Variants in GRHL1 observed in about 807,000 individuals in gnomAD.
GRHL1 encodes grainyhead like transcription factor 1, also known as grainyhead-like protein 1 homolog.
GRHL1 carries 38 observed loss-of-function variants against 75.7 expected under a neutral mutation model. That is an observed-to-expected ratio of 0.50 (90% CI 0.39 to 0.66). The LOEUF is 0.66. Among genes scored for constraint, GRHL1 ranks in the 30% least tolerant of loss-of-function variants. The pLI is 0.00. For synonymous variants in GRHL1, 266 were observed against 279.4 expected, an observed-to-expected ratio of 0.95 and a Z score of 0.48; for missense variants, 589 against 767.5, an observed-to-expected ratio of 0.77 and a Z score of 2.75.
chr2:9,965,633 T>G, intron 8 of GRHL1: 1 of 460,380 alleles, frequency 2.2e-6, no homozygotes, highest in Non-Finnish European at 3.9e-6. Context: ...CTGTTCAGCC[T>G]TGAGTCTGAC....
intron 8 of GRHL1, among the ~76,000 whole-genome samples, chr2:9,978,611 T>G (rs1242226970): frequency 1.3e-5 from 2 of 152,220 alleles, no homozygotes; most frequent in Non-Finnish European, 2.9e-5. Flanking sequence ...TCCCAAGCAC[T>G]GAGATGATGC....
At chr2:9,964,440 A>T in intron 7 of GRHL1, 94 bp downstream of exon 7, 2 of 685,408 alleles carry the variant, frequency 2.9e-6, no homozygotes. Flanking sequence ...CTTCCTGCCG[A>T]AAGCATTTGA....
chr2:9,963,869 C>CT lies in GRHL1; in HGVS notation c.747-10dup. On this transcript the variant is annotated splice_polypyrimidine_tract_variant and intron_variant, in intron 5 of 15. Transcript: ENST00000324907. ...CGAGAGTAGATTTAGAGACCTGTGA[C>CT]TTTTTTTGTCCTTTAGGAACAACTT... The CT allele has an allele frequency of 1.9e-6, 3 of 1,596,008 alleles. No homozygotes were observed. The highest frequency in any genetic ancestry group is 1.7e-4 in the Middle Eastern group (1 of 5,976).
intron 9 of GRHL1, among the ~76,000 whole-genome samples, chr2:9,988,896 C>T (rs769903218): frequency 1.4e-4 from 22 of 152,120 alleles, no homozygotes; most frequent in Non-Finnish European, 3.1e-4. Context: ...TATAGATACA[C>T]AGATAAATAA....
intron 10 of GRHL1, among the ~76,000 whole-genome samples, chr2:9,991,058 C>T (rs961906294): frequency 6.6e-6 from 1 of 152,204 alleles, no homozygotes; most frequent in Admixed American, 6.5e-5. Flanking sequence ...CTGCATGAAT[C>T]ACTGTTAAAA....
intron 8 of GRHL1, among the ~76,000 whole-genome samples, chr2:9,979,239 T>C (rs1387790403): frequency 2.0e-5 from 3 of 151,218 alleles, no homozygotes; most frequent in Non-Finnish European, 4.4e-5. Context: ...CAATCTTTTT[T>C]TTTTTTTTAC....
At chr2:9,981,013 G>A (rs1668174196) in intron 8 of GRHL1, among the ~76,000 whole-genome samples, 1 of 152,214 alleles carries the variant, frequency 6.6e-6, no homozygotes, top group African/African-American at 2.4e-5. Flanking sequence ...GCTCACTCGG[G>A]GCTGCCCATT....
intron 10 of GRHL1, among the ~76,000 whole-genome samples, chr2:9,991,093 A>ATAATAATTAT (rs1668623175): frequency 2.0e-5 from 3 of 152,220 alleles, no homozygotes; most frequent in African/African-American, 7.2e-5. Context: ...GATTTTTTAA[A>ATAATAATTAT]GTAATAATAA....
chr2:9,986,445 T>G (rs1459711576), intron 9 of GRHL1, among the ~76,000 whole-genome samples, 163 bp downstream of exon 9: 1 of 151,994 alleles, frequency 6.6e-6, no homozygotes, highest in Non-Finnish European at 1.5e-5. Context: ...TGAGACAGAG[T>G]CTCCCTCTGT....
rs1227015836 is a variant in GRHL1 at position 9,979,151 on chromosome 2, C to CAAAAAA, written c.1111-6962_1111-6957dup. Among the ~76,000 whole-genome samples the CAAAAAA allele has an allele frequency of 4.9e-3, 295 of 60,356 alleles. 9 individuals are homozygous for CAAAAAA. The highest frequency in any genetic ancestry group is 0.019 in the African/African-American group (272 of 14,140). 39.6% of individuals were successfully genotyped at this position (60,356 alleles called of 152,430 possible). A position where few individuals can be genotyped will look rare whatever the true frequency, so the allele number is the denominator to read the frequency against. ...TTCCAGCCTGGGCAAGACTCTCTCT[C>CAAAAAA]AAAAAAAAAAAAAAAAGGAAACCTT... On this transcript the variant is annotated intron_variant, in intron 8 of 15. Coordinates refer to ENST00000324907, the MANE Select transcript of GRHL1 (RefSeq NM_198182.3).
In GRHL1 at chr2:9,977,907, G is replaced by T. The variant is rs146452974; in HGVS notation, c.1111-8217G>T. Among the ~76,000 whole-genome samples the T allele has an allele frequency of 7.8e-3, 1,194 of 152,266 alleles. 8 individuals are homozygous for T. The highest frequency in any genetic ancestry group is 0.027 in the African/African-American group (1,106 of 41,542). On this transcript the variant is annotated intron_variant, in intron 8 of 15. Coordinates refer to ENST00000324907, the MANE Select transcript of GRHL1 (RefSeq NM_198182.3). ...ATTTATAAATAAAAAGAGATTTAAT[G>T]GACTCACAGTTCCATGTGGCTGGGG...
At chr2:9,963,154 C>T (rs1254106961) in intron 5 of GRHL1, among the ~76,000 whole-genome samples, 4 of 152,090 alleles carry the variant, frequency 2.6e-5, no homozygotes, top group African/African-American at 9.7e-5. Context: ...GCAGGAGTCC[C>T]AAATGGAAAT....
At chr2:9,965,233 A>G (rs1572344948) in intron 7 of GRHL1, 54 bp from the exon 8 acceptor site, 5 of 867,372 alleles carry the variant, frequency 5.8e-6, no homozygotes, top group Admixed American at 1.8e-5. Context: ...CTGGGATCCC[A>G]TGTTGAAACT....
chr2:9,965,440 A>G (rs1667452689), intron 8 of GRHL1, 59 bp downstream of exon 8: 1 of 888,330 alleles, frequency 1.1e-6, no homozygotes, highest in African/African-American at 1.7e-5. Context: ...GAGGAGTTTA[A>G]TGATTTGACA....
chr2:9,975,857 G>C (rs183112213), intron 8 of GRHL1, among the ~76,000 whole-genome samples: 2 of 152,032 alleles, frequency 1.3e-5, no homozygotes, highest in Admixed American at 1.3e-4. Context: ...TTGCATTCCA[G>C]CCTGGGCAAC....
chr2:9,964,366 G>T lies in GRHL1; in HGVS notation c.1015+20G>T, dbSNP rs186645617. 40 of 1,289,522 alleles carry T rather than the reference G, an allele frequency of 3.1e-5. No homozygotes were observed. The highest frequency in any genetic ancestry group is 4.5e-5 in the Non-Finnish European group (40 of 897,432). The allele number at this position is 1,289,522 out of a possible 1,614,324, so 79.9% of individuals were successfully genotyped here. On this transcript the variant is annotated intron_variant, in intron 7 of 15. Coordinates refer to ENST00000324907, the MANE Select transcript of GRHL1 (RefSeq NM_198182.3). ...ACATAGGTAAGCAGCTCAAGAGCCC[G>T]CTTTTATTCCCAGAGGTGCAGCCAT...
At chr2:9,980,719 A>G (rs548685501) in intron 8 of GRHL1, among the ~76,000 whole-genome samples, 1 of 152,220 alleles carries the variant, frequency 6.6e-6, no homozygotes, top group Non-Finnish European at 1.5e-5. Context: ...TTGAATTCTT[A>G]AAGTTTTATG....
At chr2:9,957,583 G>A (rs545558510) in intron 2 of GRHL1, among the ~76,000 whole-genome samples, 1 of 152,072 alleles carries the variant, frequency 6.6e-6, no homozygotes, top group East Asian at 1.9e-4. Flanking sequence ...CTAATTTTTT[G>A]TGTTTTTAGT....
At chr2:9,995,566 C>G (rs1668824237) in intron 12 of GRHL1, among the ~76,000 whole-genome samples, 1 of 143,968 alleles carries the variant, frequency 6.9e-6, no homozygotes. Context: ...GCCTGAGCAA[C>G]AGAATGAGAC....
Sources: allele counts gnomAD v4.1 joint callset (sites outside exome capture counted in the v4.1 genomes callset), GRCh38; gene constraint gnomAD v4.1.1; transcripts MANE v1.5; gene names NCBI Gene and HGNC (gene_info 2026-07-23, HGNC 2026-07-21).